Variants in A4GNT observed in about 807,000 individuals in gnomAD.
The protein encoded by A4GNT is alpha-1,4-N-acetylglucosaminyltransferase.
Under a neutral mutation model 8.3 loss-of-function variants are expected in A4GNT, and 6 were observed. The ratio of observed to expected loss-of-function variants is 0.72; its 90% CI spans 0.39 to 1.42. A4GNT has a LOEUF of 1.42. Among genes scored for constraint, A4GNT ranks in the 40% most tolerant of loss-of-function variants. The pLI is 0.02. For missense variants in A4GNT, 377 were observed against 417.0 expected (o/e 0.90, Z 0.84); for synonymous variants, 157 against 159.8 (o/e 0.98, Z 0.13).
At position 138,124,255 on chromosome 3, in the gene A4GNT, G is replaced by A; in HGVS notation, c.*9C>T. ...TCCACACTGCAGCAGCAGCAAACGA[G>A]TGTTAGCTTTATTTGTTACCTGGAC... On this transcript the variant is annotated 3_prime_UTR_variant, in exon 3 of 3. Coordinates refer to ENST00000236709, the MANE Select transcript of A4GNT (RefSeq NM_016161.3). The A allele has an allele frequency of 3.7e-6, 6 of 1,609,900 alleles. No homozygotes were observed. Among genetic ancestry groups the A allele is most frequent in the Non-Finnish European group, 5.1e-6 (6 of 1,177,456 alleles).
In A4GNT at chr3:138,124,469, T is replaced by G; in HGVS notation, c.818A>C (p.Glu273Ala). 6.2e-7 allele frequency: 1 copy of G among 1,614,214 alleles called. No individual in the cohort carries two copies. The highest frequency in any genetic ancestry group is 8.5e-7 in the Non-Finnish European group (1 of 1,180,034). ...GAAGCTTGGCTCTGTATCCCACACTTCATAGTAGCGCCTCCACTCTCGATA... is the reference window on the plus strand; with the variant it reads ...GAAGCTTGGCTCTGTATCCCACACTGCATAGTAGCGCCTCCACTCTCGATA... Reference protein sequence around the residue: ...ISYREWRRYYEVWDTEPSFNV... With the variant: ...ISYREWRRYYAVWDTEPSFNV... Residue 273 changes from glutamate to alanine, a missense_variant, in exon 3 of 3, where the codon GAA (glutamate) becomes GCA (alanine). Physicochemically the swap from Glu to Ala is moderately radical, Grantham distance 107. Transcript: ENST00000236709.
chr3:138,131,708 T>C (rs984396898), intron 1 of A4GNT, among the ~76,000 whole-genome samples: 25 of 152,208 alleles, frequency 1.6e-4, no homozygotes, highest in South Asian at 2.1e-4. Context: ...ATGCATTATC[T>C]TAACAGTCTA....
In A4GNT at chr3:138,130,951, G is replaced by C. The variant is rs1225816555; in HGVS notation, c.306C>G (p.Tyr102Ter). ...DSTPMPSNST[Y>*]PAFSFLSAID... Reference sequence around the variant, plus strand: ...TTGCTGACAGGAAGGAAAAAGCTGGGTATGTGGAGTTTGAGGGCATCGGTG... The same window carrying C: ...TTGCTGACAGGAAGGAAAAAGCTGGCTATGTGGAGTTTGAGGGCATCGGTG... The change falls in exon 2 of 3, where the codon TAC becomes TAG. Residue 102 changes from tyrosine (Y) to a stop codon, truncating the protein, a stop_gained. Coordinates refer to ENST00000236709, the MANE Select transcript of A4GNT (RefSeq NM_016161.3). LOFTEE classifies it high-confidence loss of function. 2.5e-6 allele frequency: 4 copies of C among 1,614,158 alleles called. No homozygotes were observed. Among genetic ancestry groups the C allele is most frequent in the Non-Finnish European group, 3.4e-6 (4 of 1,180,030 alleles).
At chr3:138,131,423 A>T in intron 1 of A4GNT, 141 bp from the exon 2 acceptor site, 1 of 770,210 alleles carries the variant, frequency 1.3e-6, no homozygotes, top group Non-Finnish European at 1.8e-6. Flanking sequence ...AAGTCCAGCA[A>T]TATTAAAAAA....
At position 138,124,718 on chromosome 3, in the gene A4GNT, G is replaced by T; in HGVS notation, c.569C>A (p.Ser190Tyr). ...NFLAAQASRYSSNGIFGFLPH... is the reference protein window; with the variant it reads ...NFLAAQASRYYSNGIFGFLPH... The stretch of plus-strand genomic sequence containing the variant: ...GAGGAACCCAAATATTCCATTACTA[G>T]AGTACCGAGAAGCCTGCGCAGCCAA... Residue 190 changes from serine to tyrosine, a missense_variant, in exon 3 of 3, where the codon TCT becomes TAT. Coordinates refer to ENST00000236709, the MANE Select transcript of A4GNT (RefSeq NM_016161.3). 1 of 1,614,156 alleles carries T rather than the reference G, an allele frequency of 6.2e-7. No homozygotes were observed. Among genetic ancestry groups the T allele is most frequent in the Non-Finnish European group, 8.5e-7 (1 of 1,180,016 alleles).
intron 2 of A4GNT, among the ~76,000 whole-genome samples, chr3:138,128,150 G>A (rs11927404): frequency 2.0e-5 from 3 of 152,160 alleles, no homozygotes; most frequent in Non-Finnish European, 4.4e-5. Flanking sequence ...ATATCCTCAT[G>A]TGTGTGATTC....
chr3:138,127,118 C>CAAAAAAA (rs898641661), intron 2 of A4GNT, among the ~76,000 whole-genome samples: 12 of 34,052 alleles, frequency 3.5e-4, no homozygotes, highest in Non-Finnish European at 4.1e-4. Flanking sequence ...GACTCCATCT[C>CAAAAAAA]AAAAAAAAAA....
At chr3:138,130,056 A>G (rs1459090156) in intron 2 of A4GNT, among the ~76,000 whole-genome samples, 1 of 149,850 alleles carries the variant, frequency 6.7e-6, no homozygotes, top group Non-Finnish European at 1.5e-5. Context: ...AACACCTACT[A>G]TTATTGTGTG....
intron 2 of A4GNT, among the ~76,000 whole-genome samples, chr3:138,129,668 C>G (rs1303393837): frequency 6.6e-6 from 1 of 152,206 alleles, no homozygotes; most frequent in East Asian, 1.9e-4. Flanking sequence ...ATTTTACCAC[C>G]TTAGCCCACA....
Position 138,130,698 on chromosome 3 carries a change from T to G in A4GNT, c.408+151A>C, listed in dbSNP as rs970842838. 19 of 740,774 alleles carry G rather than the reference T, an allele frequency of 2.6e-5. No homozygotes were observed. In the Admixed American group the frequency reaches 5.5e-4, roughly 21 times the overall value. 45.9% of individuals were successfully genotyped at this position (740,774 alleles called of 1,614,324 possible). A position where few individuals can be genotyped will look rare whatever the true frequency, so the allele number is the denominator to read the frequency against. ...TGCACCTAATGTAAGTCTTCCCTCTTTATTTGAATCAGTTCTCAACATGGT... is the reference window on the plus strand; with the variant it reads ...TGCACCTAATGTAAGTCTTCCCTCTGTATTTGAATCAGTTCTCAACATGGT... On this transcript the variant is annotated intron_variant, in intron 2 of 2. Transcript: ENST00000236709.
At position 138,124,109 on chromosome 3, in the gene A4GNT, T is replaced by C; in HGVS notation, c.*155A>G. 1 of 1,054,324 alleles carries C rather than the reference T, an allele frequency of 9.5e-7. No homozygotes were observed. The highest frequency in any genetic ancestry group is 1.3e-6 in the Non-Finnish European group (1 of 747,408). 65.3% of individuals were successfully genotyped at this position (1,054,324 alleles called of 1,614,324 possible). A position where few individuals can be genotyped will look rare whatever the true frequency, so the allele number is the denominator to read the frequency against. On this transcript the variant is annotated 3_prime_UTR_variant, in exon 3 of 3. Coordinates refer to ENST00000236709, the MANE Select transcript of A4GNT (RefSeq NM_016161.3). Reference sequence around the variant, plus strand: ...GTTTTATAGCCAGTATCATTTGGGATTTTTCTATTACAGACAGAGAAAGCT... The same window carrying C: ...GTTTTATAGCCAGTATCATTTGGGACTTTTCTATTACAGACAGAGAAAGCT...
Position 138,131,109 on chromosome 3 carries a change from G to A in A4GNT, c.148C>T (p.Arg50Cys), listed in dbSNP as rs752984219. The change falls in exon 2 of 3, where the codon CGT becomes TGT. Residue 50 changes from arginine (R) to cysteine (C), a missense_variant. Arg to Cys is a radical substitution (Grantham distance 180). Transcript: ENST00000236709. Reference protein sequence around the residue: ...QGLEALLSHRRGIVFLETSER... With the variant: ...QGLEALLSHRCGIVFLETSER... ...GAGGTCTCTAGAAACACAATGCCACGTCTGTGGCTCAGGAGGGCTTCCAGC... is the reference window on the plus strand; with the variant it reads ...GAGGTCTCTAGAAACACAATGCCACATCTGTGGCTCAGGAGGGCTTCCAGC... 6.8e-6 allele frequency: 11 copies of A among 1,613,508 alleles called. No individual in the cohort carries two copies. The highest frequency in any genetic ancestry group is 1.7e-5 in the Admixed American group (1 of 59,978).
intron 2 of A4GNT, among the ~76,000 whole-genome samples, chr3:138,125,871 A>G (rs960913809): frequency 2.0e-5 from 3 of 151,958 alleles, no homozygotes; most frequent in Non-Finnish European, 4.4e-5. Flanking sequence ...AACAAGGAGG[A>G]GGCAGTGAGC....
rs1237734699 is a variant in A4GNT, at chr3:138,124,162, C to T, written c.*102G>A. The T allele has an allele frequency of 2.0e-6, 3 of 1,480,494 alleles. No individual in the cohort carries two copies. The highest frequency in any genetic ancestry group is 2.3e-5 in the East Asian group (1 of 43,896). The allele number at this position is 1,480,494 out of a possible 1,614,324, so 91.7% of individuals were successfully genotyped here. On this transcript the variant is annotated 3_prime_UTR_variant, in exon 3 of 3. Transcript: ENST00000236709. ...TCCTAACTGACATTTGAGAGGCAAC[C>T]CTCTGCCCACCCCGCCAAGAGACAG...
At chr3:138,131,616 CATA>C (rs2042777509) in intron 1 of A4GNT, among the ~76,000 whole-genome samples, 1 of 151,890 alleles carries the variant, frequency 6.6e-6, no homozygotes, top group Non-Finnish European at 1.5e-5. Context: ...AAAAATGCAT[CATA>C]ACCAATCAGG....
At chr3:138,132,630 A>C (rs910522956), upstream of A4GNT, among the ~76,000 whole-genome samples, 1 of 152,196 alleles carries the variant, frequency 6.6e-6, no homozygotes, top group Non-Finnish European at 1.5e-5. Flanking sequence ...TTATAAAGGG[A>C]TTATTTCACC....
Position 138,131,994 on chromosome 3 carries a change from T to C in A4GNT, c.-27+218A>G, listed in dbSNP as rs150323905. Among the ~76,000 whole-genome samples the C allele has an allele frequency of 1.1e-4, 16 of 152,198 alleles. No homozygotes were observed. The East Asian group carries it at 3.1e-3, about 29-fold the overall frequency. ...AACCAATGCAATAAAACAAGAGAAATGAATTTCTACTACGAATATTAAAAG... is the reference window on the plus strand; with the variant it reads ...AACCAATGCAATAAAACAAGAGAAACGAATTTCTACTACGAATATTAAAAG... On this transcript the variant is annotated intron_variant, in intron 1 of 2. Coordinates refer to ENST00000236709, the MANE Select transcript of A4GNT (RefSeq NM_016161.3).
At chr3:138,125,836 C>G (rs1002375316) in intron 2 of A4GNT, among the ~76,000 whole-genome samples, 4 of 151,626 alleles carry the variant, frequency 2.6e-5, no homozygotes, top group African/African-American at 9.7e-5. Context: ...GGCCCTGAGG[C>G]AAAAGCACAC....
chr3:138,127,087 G>A (rs2042749786), intron 2 of A4GNT, among the ~76,000 whole-genome samples: 1 of 127,012 alleles, frequency 7.9e-6, no homozygotes, highest in African/African-American at 3.2e-5. Context: ...AGCTGAGATT[G>A]CACCACTGGC....
Sources: gnomAD v4.1 joint callset for allele counts (sites outside exome capture counted in the v4.1 genomes callset) on GRCh38, gnomAD v4.1.1 for gene constraint, MANE v1.5 for transcripts, NCBI Gene and HGNC (gene_info 2026-07-23, HGNC 2026-07-21) for gene names.